Variants in PTPRD observed in about 807,000 individuals in gnomAD.
PTPRD encodes the protein receptor-type tyrosine-protein phosphatase delta.
PTPRD carries 34 observed loss-of-function variants against 214.5 expected under a neutral mutation model. The ratio of observed to expected loss-of-function variants is 0.16; its 90% CI spans 0.12 to 0.21. The LOEUF is 0.21. Ranked by LOEUF, PTPRD falls within the 10% of genes least tolerant of loss-of-function variation. The pLI is 1.00. For synonymous variants in PTPRD, 1,128 were observed against 845.7 expected (o/e 1.33, Z -5.79); for missense variants, 2,545 against 2,398.7 (o/e 1.06, Z -1.27).
chr9:8,753,869 G>T (rs191827034), intron 11 of PTPRD, among the ~76,000 whole-genome samples: 7,709 of 152,222 alleles, frequency 0.051, 487 homozygotes, highest in African/African-American at 0.15. Context: ...TGTAGGCCAG[G>T]CATGGTGGCT....
intron 2 of PTPRD, among the ~76,000 whole-genome samples, chr9:10,451,505 C>T (rs111556802): frequency 0.011 from 1,731 of 151,458 alleles, 64 homozygotes; most frequent in African/African-American, 0.038. Context: ...TTCTACTTCC[C>T]GCTTGTCTGA....
chr9:9,539,284 T>A (rs975088478), intron 8 of PTPRD, among the ~76,000 whole-genome samples: 2 of 151,740 alleles, frequency 1.3e-5, no homozygotes, highest in African/African-American at 4.8e-5. Flanking sequence ...AAACTTAGAA[T>A]GTTGAATCAG....
intron 11 of PTPRD, among the ~76,000 whole-genome samples, chr9:8,907,502 A>T (rs1223426329): frequency 7.5e-6 from 1 of 132,694 alleles, no homozygotes; most frequent in African/African-American, 2.8e-5. Flanking sequence ...AAGGTAACAG[A>T]GTGAGACTCC....
intron 2 of PTPRD, among the ~76,000 whole-genome samples, chr9:10,591,340 A>T (rs1201753610): frequency 6.6e-6 from 1 of 152,068 alleles, no homozygotes; most frequent in Non-Finnish European, 1.5e-5. Context: ...TGACTGTAAA[A>T]AGCACCATGC....
chr9:8,339,006 T>C lies in PTPRD; in HGVS notation c.5295A>G (p.Arg1765=), dbSNP rs1212801075. The change falls in exon 43 of 46, where the codon AGA becomes AGG. Residue 1765 remains arginine, a synonymous_variant. Coordinates refer to ENST00000381196, the MANE Select transcript of PTPRD (RefSeq NM_002839.4). ...HQYWPAERSA[R]YQYFVVDPMA... ...TGGGATCTACAACAAAGTACTGGTA[T>C]CTTGCAGACCGTTCTGCTGGCCAGT... 3.1e-6 allele frequency: 5 copies of C among 1,612,462 alleles called. No homozygotes were observed. The highest frequency in any genetic ancestry group is 1.1e-5 in the South Asian group (1 of 91,008).
At chr9:10,439,485 T>A (rs1451584961) in intron 2 of PTPRD, among the ~76,000 whole-genome samples, 2 of 151,730 alleles carry the variant, frequency 1.3e-5, no homozygotes, top group African/African-American at 4.8e-5. Context: ...CATTGGACAT[T>A]TATTTACAAG....
chr9:8,651,373 G>A (rs1165658466), intron 12 of PTPRD, among the ~76,000 whole-genome samples: 1 of 152,068 alleles, frequency 6.6e-6, no homozygotes, highest in East Asian at 1.9e-4. Flanking sequence ...AATAATAGAT[G>A]ATAACCCAAG....
At chr9:9,520,312 T>C (rs889085247) in intron 8 of PTPRD, among the ~76,000 whole-genome samples, 12 of 135,416 alleles carry the variant, frequency 8.9e-5, no homozygotes, top group Non-Finnish European at 1.8e-4. Context: ...AAGTTATATA[T>C]ATATAAGAAA....
chr9:9,055,125 T>C (rs755871215), intron 10 of PTPRD, among the ~76,000 whole-genome samples: 1 of 152,136 alleles, frequency 6.6e-6, no homozygotes, highest in Non-Finnish European at 1.5e-5. Context: ...TACAAATAAG[T>C]GACAATATTT....
At chr9:9,478,393 A>G (rs2095219849) in intron 8 of PTPRD, among the ~76,000 whole-genome samples, 1 of 152,254 alleles carries the variant, frequency 6.6e-6, no homozygotes, top group African/African-American at 2.4e-5. Flanking sequence ...TAGTAAAAAT[A>G]AAAACAATGT....
At chr9:9,896,593 A>T (rs1440537990) in intron 5 of PTPRD, among the ~76,000 whole-genome samples, 1 of 152,112 alleles carries the variant, frequency 6.6e-6, no homozygotes, top group Admixed American at 6.6e-5. Flanking sequence ...CAGAACATTT[A>T]TATTTTTTTA....
intron 2 of PTPRD, among the ~76,000 whole-genome samples, chr9:10,441,971 C>G (rs2098762182): frequency 6.6e-6 from 1 of 151,450 alleles, no homozygotes; most frequent in African/African-American, 2.4e-5. Context: ...ACTAAAAAAA[C>G]TGGAGAAAAA....
chr9:9,604,483 T>G (rs2094012056), intron 7 of PTPRD, among the ~76,000 whole-genome samples: 1 of 152,086 alleles, frequency 6.6e-6, no homozygotes, highest in Non-Finnish European at 1.5e-5. Context: ...TTAGAATGTA[T>G]GCTTTCTGTT....
intron 11 of PTPRD, among the ~76,000 whole-genome samples, chr9:8,965,922 T>C (rs1016855230): frequency 6.6e-6 from 1 of 152,134 alleles, no homozygotes; most frequent in Non-Finnish European, 1.5e-5. Context: ...TGAGAACTGA[T>C]AAACAATTTT....
At chr9:9,807,562 C>G (rs1000440409) in intron 5 of PTPRD, among the ~76,000 whole-genome samples, 1 of 152,320 alleles carries the variant, frequency 6.6e-6, no homozygotes, top group African/African-American at 2.4e-5. Context: ...ATACTCTCCA[C>G]TGATGCTTGC....
At chr9:9,197,482 C>A (rs1238544797) in intron 9 of PTPRD, among the ~76,000 whole-genome samples, 2 of 137,042 alleles carry the variant, frequency 1.5e-5, no homozygotes, top group African/African-American at 3.4e-5. Context: ...GCAATCTTTG[C>A]TCACTGCAAT....
chr9:9,311,280 C>T (rs1198539251), intron 9 of PTPRD, among the ~76,000 whole-genome samples: 1 of 151,882 alleles, frequency 6.6e-6, no homozygotes, highest in Non-Finnish European at 1.5e-5. Context: ...AGCAGGCACC[C>T]ATGTCAAACA....
intron 9 of PTPRD, among the ~76,000 whole-genome samples, chr9:9,224,018 C>G (rs141089804): frequency 1.3e-5 from 2 of 152,106 alleles, no homozygotes; most frequent in African/African-American, 2.4e-5. Flanking sequence ...AATCTGCTTA[C>G]TTTCATCTGA....
At position 9,088,485 on chromosome 9, in the gene PTPRD, C is replaced by CATGAGATTTG. The variant is rs376783986; in HGVS notation, c.-142-69760_-142-69751dup. Among the ~76,000 whole-genome samples, 618 of 140,754 alleles carry CATGAGATTTG rather than the reference C, an allele frequency of 4.4e-3. 4 individuals carry two copies. The highest frequency in any genetic ancestry group is 0.015 in the African/African-American group (583 of 37,990). The allele number at this position is 140,754 out of a possible 152,430, so 92.3% of individuals were successfully genotyped here. A position where few individuals can be genotyped will look rare whatever the true frequency, so the allele number is the denominator to read the frequency against. ...ATCCCAGCTACTCGGGAGGATGAGG[C>CATGAGATTTG]ATGAGATTTGTTTGAACCCAGGAGG... On this transcript the variant is annotated intron_variant, in intron 10 of 45. Transcript: ENST00000381196.
Sources: allele counts gnomAD v4.1 joint callset (sites outside exome capture counted in the v4.1 genomes callset), GRCh38; gene constraint gnomAD v4.1.1; transcripts MANE v1.5; gene names NCBI Gene and HGNC (gene_info 2026-07-23, HGNC 2026-07-21).